The following DLGAP1 variants were observed in gnomAD, a reference collection of about 807,000 sequenced individuals.
The protein encoded by DLGAP1 is disks large-associated protein 1.
DLGAP1 carries 11 observed loss-of-function variants against 90.8 expected under a neutral mutation model. The ratio of observed to expected loss-of-function variants is 0.12; its 90% CI spans 0.08 to 0.20. The LOEUF is 0.20. DLGAP1 is among the 10% of genes least tolerant of loss of function. The pLI is 1.00. For missense variants in DLGAP1, 1,050 were observed against 1,333.8 expected (o/e 0.79, Z 3.31); for synonymous variants, 558 against 540.7 (o/e 1.03, Z -0.44).
chr18:3,879,797 G>C lies in DLGAP1; in HGVS notation c.272C>G (p.Thr91Ser), dbSNP rs375898848. 16 of 1,607,422 alleles carry C rather than the reference G, an allele frequency of 1.0e-5. No homozygotes were observed. The highest frequency in any genetic ancestry group is 1.4e-5 in the Non-Finnish European group (16 of 1,179,904). The change falls in exon 4 of 13, where the codon ACC (threonine) becomes AGC (serine). Residue 91 changes from threonine (T) to serine (S), a missense_variant. Physicochemically the swap from Thr to Ser is moderately conservative, Grantham distance 58. Around this residue, in one of 2 missense-constraint regions of DLGAP1, gnomAD observed 485 missense variants for 454.1 expected, o/e 1.07. Coordinates refer to ENST00000315677, the MANE Select transcript of DLGAP1 (RefSeq NM_004746.4). This position sits in a 1 kb window ranked among gnomAD's most constrained non-coding sequence, Gnocchi z 6.6. The stretch of plus-strand genomic sequence containing the variant: ...GATGCGGTTCGCCTTGGTGGCCAGG[G>C]TGCGGGGCACCAGGGCACACTCGTC... ...LKDECALVPRTLATKANRIPA... is the reference protein window; with the variant it reads ...LKDECALVPRSLATKANRIPA...
Position 4,221,664 on chromosome 18 carries a change from C to A in DLGAP1, c.-266-70377G>T, listed in dbSNP as rs147752497. Reference sequence around the variant, plus strand: ...CTGACAGTACACGGTAGTTTGAGCACAAAATCAACCCTTGCAATAGTGTGC... The same window carrying A: ...CTGACAGTACACGGTAGTTTGAGCAAAAAATCAACCCTTGCAATAGTGTGC... On this transcript the variant is annotated intron_variant, in intron 1 of 12. Transcript: ENST00000315677. Among the ~76,000 whole-genome samples the A allele has an allele frequency of 3.4e-3, 516 of 152,230 alleles. 5 individuals carry two copies. The highest frequency in any genetic ancestry group is 0.012 in the African/African-American group (495 of 41,552).
At chr18:4,332,516 A>T (rs2080975063) in intron 1 of DLGAP1, among the ~76,000 whole-genome samples, 1 of 151,956 alleles carries the variant, frequency 6.6e-6, no homozygotes, top group Admixed American at 6.5e-5. Context: ...TAGCAAAAAC[A>T]AGAAATACTT....
At chr18:4,053,961 AG>A (rs1425632738) in intron 2 of DLGAP1, among the ~76,000 whole-genome samples, 2 of 152,228 alleles carry the variant, frequency 1.3e-5, no homozygotes, top group African/African-American at 2.4e-5. Flanking sequence ...ACTTGAAGCA[AG>A]GGTATTCCAG....
In DLGAP1 at chr18:3,879,486, G is replaced by A. The variant is rs759246251; in HGVS notation, c.583C>T (p.Pro195Ser). The A allele has an allele frequency of 1.9e-6, 3 of 1,604,482 alleles. No individual in the cohort carries two copies. The highest frequency in any genetic ancestry group is 2.5e-6 in the Non-Finnish European group (3 of 1,179,848). The change falls in exon 4 of 13, where the codon CCC (proline) becomes TCC (serine). Residue 195 changes from proline to serine, a missense_variant. Pro to Ser is a moderately conservative substitution (Grantham distance 74). Transcript: ENST00000315677. The surrounding 1 kb of genome is among the most constrained non-coding windows in gnomAD (Gnocchi z 6.6). ...CTCCACCAGCCCGGGGAGGTGCTGG[G>A]CCGGGCCTTGGGCTCCGCGCGCCGC... is the stretch of plus-strand genomic sequence containing the variant. ...KERRAEPKAR[P>S]STSPGWWSSD...
chr18:4,235,459 T>G (rs1258192360), intron 1 of DLGAP1, among the ~76,000 whole-genome samples: 1 of 152,150 alleles, frequency 6.6e-6, no homozygotes, highest in Non-Finnish European at 1.5e-5. Flanking sequence ...TAGCAGTTAC[T>G]CTGCAAATCA....
At chr18:4,287,674 G>A (rs2079734072) in intron 1 of DLGAP1, among the ~76,000 whole-genome samples, 1 of 151,908 alleles carries the variant, frequency 6.6e-6, no homozygotes, top group African/African-American at 2.4e-5. Context: ...CACATACCAG[G>A]GCCTGTCATG....
At chr18:3,948,809 T>C (rs1187775944) in intron 3 of DLGAP1, among the ~76,000 whole-genome samples, 2 of 151,934 alleles carry the variant, frequency 1.3e-5, no homozygotes, top group East Asian at 1.9e-4. Context: ...AGAAGACAAA[T>C]TGGGTTCAGT....
intron 3 of DLGAP1, chr18:3,978,106 C>T (rs2149023658): frequency 2.3e-6 from 1 of 437,220 alleles, no homozygotes; most frequent in Non-Finnish European, 4.6e-6. Flanking sequence ...TGGACCATGG[C>T]CATGAGTCCT....
At chr18:4,439,176 C>T (rs570642154) in intron 1 of DLGAP1, among the ~76,000 whole-genome samples, 18 of 152,292 alleles carry the variant, frequency 1.2e-4, no homozygotes, top group African/African-American at 3.6e-4. Flanking sequence ...GGGTTTAATC[C>T]TACCCATCCT....
chr18:4,086,595 A>G (rs1189972375), intron 2 of DLGAP1, among the ~76,000 whole-genome samples: 2 of 152,098 alleles, frequency 1.3e-5, no homozygotes, highest in South Asian at 2.1e-4. Context: ...ATTTTAAGAT[A>G]TTAGGAAATT....
At chr18:3,919,585 T>C (rs2072221709) in intron 3 of DLGAP1, among the ~76,000 whole-genome samples, 1 of 152,124 alleles carries the variant, frequency 6.6e-6, no homozygotes, top group African/African-American at 2.4e-5. Context: ...AATTCTTGAG[T>C]CATGCTATAA....
intron 2 of DLGAP1, among the ~76,000 whole-genome samples, chr18:4,062,038 A>G (rs4416117): frequency 0.83 from 126,257 of 152,122 alleles, 52,648 homozygotes; most frequent in East Asian, 0.94. Context: ...AAGCAAAACA[A>G]GAATTAAGTA....
chr18:4,285,023 T>C (rs150470027), intron 1 of DLGAP1, among the ~76,000 whole-genome samples: 29 of 152,214 alleles, frequency 1.9e-4, no homozygotes, highest in African/African-American at 6.5e-4. Flanking sequence ...TATTTACTTT[T>C]TGTAAAACTA....
intron 9 of DLGAP1, among the ~76,000 whole-genome samples, chr18:3,558,694 T>A (rs1205822677): frequency 6.6e-6 from 1 of 152,238 alleles, no homozygotes; most frequent in Admixed American, 6.5e-5. Flanking sequence ...TCCCACTTTC[T>A]TTTTATTAGT....
At chr18:4,274,484 A>C (rs1053856391) in intron 1 of DLGAP1, among the ~76,000 whole-genome samples, 1 of 152,210 alleles carries the variant, frequency 6.6e-6, no homozygotes, top group Non-Finnish European at 1.5e-5. Context: ...ACAGTCGAGA[A>C]TTTACTCAAT....
At chr18:3,531,483 A>G (rs531400432) in intron 10 of DLGAP1, among the ~76,000 whole-genome samples, 1 of 152,106 alleles carries the variant, frequency 6.6e-6, no homozygotes, top group East Asian at 1.9e-4. Context: ...AATGCATGAT[A>G]ATATTTTACC....
intron 1 of DLGAP1, among the ~76,000 whole-genome samples, chr18:4,311,936 G>A (rs774105083): frequency 6.6e-6 from 1 of 152,122 alleles, no homozygotes; most frequent in Non-Finnish European, 1.5e-5. Context: ...GGCTGGTCTC[G>A]AACTCCTGAC....
chr18:3,603,101 A>T (rs1459838513), intron 7 of DLGAP1: 2 of 152,212 alleles, frequency 1.3e-5, no homozygotes, highest in African/African-American at 2.4e-5. Context: ...AAGGGTTGGG[A>T]AATGGATCAA....
chr18:4,110,197 G>T (rs887626512), intron 2 of DLGAP1, among the ~76,000 whole-genome samples: 18 of 152,276 alleles, frequency 1.2e-4, no homozygotes, highest in African/African-American at 4.1e-4. Context: ...CTCCCAGGCT[G>T]CAAAGCTGTG....
Sources: allele counts gnomAD v4.1 joint callset (sites outside exome capture counted in the v4.1 genomes callset), GRCh38; gene constraint gnomAD v4.1.1; regional missense constraint gnomAD v4.1.1; non-coding constraint Gnocchi (gnomAD v3.1); transcripts MANE v1.5; gene names NCBI Gene and HGNC (gene_info 2026-07-23, HGNC 2026-07-21).